Variants in PSMF1 observed in about 807,000 individuals in gnomAD.
PSMF1 encodes the protein proteasome inhibitor subunit 1.
Under a neutral mutation model 29.3 loss-of-function variants are expected in PSMF1, and 30 were observed. The ratio of observed to expected loss-of-function variants is 1.02; its 90% CI spans 0.77 to 1.39. PSMF1 has a LOEUF of 1.39. PSMF1 is among the 40% of genes most tolerant of loss of function. The pLI, the probability that PSMF1 is intolerant of heterozygous loss-of-function variation, is 0.00. For missense variants in PSMF1, 344 were observed against 357.5 expected (o/e 0.96, Z 0.31); for synonymous variants, 134 against 139.7 (o/e 0.96, Z 0.29).
chr20:1,138,001 A>G (rs2086329490), intron 4 of PSMF1, among the ~76,000 whole-genome samples: 1 of 152,216 alleles, frequency 6.6e-6, no homozygotes, highest in South Asian at 2.1e-4. Flanking sequence ...AGGCGGGAAT[A>G]CACACAGGAA....
At chr20:1,131,236 C>T (rs1231932833) in intron 3 of PSMF1, among the ~76,000 whole-genome samples, 1 of 152,222 alleles carries the variant, frequency 6.6e-6, no homozygotes, top group Non-Finnish European at 1.5e-5. Context: ...TTATACTGGC[C>T]ATTCATGCTC....
At chr20:1,115,432 C>A (rs888725290), upstream of PSMF1, among the ~76,000 whole-genome samples, 1 of 152,226 alleles carries the variant, frequency 6.6e-6, no homozygotes, top group Non-Finnish European at 1.5e-5. Context: ...AAGGCAGTAA[C>A]AAAACAGACC....
chr20:1,113,889 C>T (rs1363988174), upstream of PSMF1, among the ~76,000 whole-genome samples: 2 of 152,010 alleles, frequency 1.3e-5, no homozygotes, highest in Non-Finnish European at 2.9e-5. Flanking sequence ...GACGGGGTTT[C>T]ACTGTGTTAG....
Position 1,168,586 on chromosome 20 carries a change from G to C in PSMF1, c.*3506G>C, listed in dbSNP as rs1254284251. 6.6e-6 allele frequency among the ~76,000 whole-genome samples: 1 copy of C among 152,224 alleles called. No homozygotes were observed. The highest frequency in any genetic ancestry group is 2.4e-5 in the African/African-American group (1 of 41,452). Reference sequence around the variant, plus strand: ...CTCTTGAGACTGAAACTCCAAGAATGTATTGTGCTCACAGTGGCGATGGTG... The same window carrying C: ...CTCTTGAGACTGAAACTCCAAGAATCTATTGTGCTCACAGTGGCGATGGTG... On this transcript the variant is annotated 3_prime_UTR_variant, in exon 7 of 7. Transcript: ENST00000335877.
At chr20:1,147,135 T>TATCATCATCATC (rs112288654) in intron 4 of PSMF1, among the ~76,000 whole-genome samples, 13 of 146,640 alleles carry the variant, frequency 8.9e-5, no homozygotes, top group African/African-American at 3.3e-4. Flanking sequence ...TTGTTTCCGT[T>TATCATCATCATC]ATCATCATCA....
At chr20:1,122,268 GTTTTCTTTTCT>G (rs1370326204) in intron 1 of PSMF1, among the ~76,000 whole-genome samples, 1 of 148,452 alleles carries the variant, frequency 6.7e-6, no homozygotes, top group African/African-American at 2.5e-5. Flanking sequence ...AGGCCTTAGA[GTTTTCTTTTCT>G]TTTTCTTTTT....
At chr20:1,152,227 G>A (rs545325043) in intron 4 of PSMF1, among the ~76,000 whole-genome samples, 2 of 152,344 alleles carry the variant, frequency 1.3e-5, no homozygotes, top group African/African-American at 4.8e-5. Flanking sequence ...AGAGAATGAG[G>A]TAGATGCTCT....
intron 4 of PSMF1, among the ~76,000 whole-genome samples, chr20:1,157,744 C>T (rs2086612724): frequency 6.6e-6 from 1 of 151,882 alleles, no homozygotes; most frequent in African/African-American, 2.4e-5. Context: ...CTTCAGTAAG[C>T]ACCTCAGCAG....
intron 4 of PSMF1, among the ~76,000 whole-genome samples, chr20:1,153,483 G>T (rs1600167633): frequency 1.3e-5 from 2 of 151,966 alleles, no homozygotes; most frequent in African/African-American, 4.8e-5. Context: ...TCCATGTTCT[G>T]TGCTTTTAAG....
intron 4 of PSMF1, among the ~76,000 whole-genome samples, chr20:1,150,702 C>T (rs1351012337): frequency 6.6e-6 from 1 of 152,120 alleles, no homozygotes; most frequent in Admixed American, 6.5e-5. Context: ...TTCCTCCCCT[C>T]TGTAGCTTGC....
At chr20:1,155,772 A>C (rs935751041) in intron 4 of PSMF1, among the ~76,000 whole-genome samples, 1 of 152,228 alleles carries the variant, frequency 6.6e-6, no homozygotes, top group African/African-American at 2.4e-5. Context: ...ATACAAACAG[A>C]ACTGACATTG....
At chr20:1,133,957 C>T (rs1310535143) in intron 3 of PSMF1, among the ~76,000 whole-genome samples, 1 of 147,798 alleles carries the variant, frequency 6.8e-6, no homozygotes, top group Non-Finnish European at 1.5e-5. Context: ...ATTGTAATAT[C>T]TCCTGTTTCG....
At chr20:1,119,594 T>TA (rs1600136805) in intron 1 of PSMF1, among the ~76,000 whole-genome samples, 2 of 152,136 alleles carry the variant, frequency 1.3e-5, no homozygotes, top group Non-Finnish European at 2.9e-5. Flanking sequence ...GTTGTCCCCA[T>TA]AGGGCCAGCC....
chr20:1,119,918 C>T (rs1481083595), intron 1 of PSMF1, among the ~76,000 whole-genome samples: 1 of 152,112 alleles, frequency 6.6e-6, no homozygotes, highest in Non-Finnish European at 1.5e-5. Context: ...TTCACCCTTC[C>T]TCTCCTTTTT....
rs1048645495 is a variant in PSMF1 at position 1,150,566 on chromosome 20, T to G, written c.552-12564T>G. Among the ~76,000 whole-genome samples, 3 of 152,192 alleles carry G rather than the reference T, an allele frequency of 2.0e-5. No homozygotes were observed. The South Asian group carries it at 6.2e-4, about 31-fold the overall frequency. ...TACTAGCCATTTGGATTTCATCTTT[T>G]GTGAAGAGGTAATCAAATCTCTTGT... On this transcript the variant is annotated intron_variant, in intron 4 of 6. Coordinates refer to ENST00000335877, the MANE Select transcript of PSMF1 (RefSeq NM_006814.5).
Position 1,147,176 on chromosome 20 carries a change from T to TCATCATCACCAC in PSMF1, c.551+11872_551+11873insTCATCACCACCA, listed in dbSNP as rs1248666704. Among the ~76,000 whole-genome samples, 39 of 132,444 alleles carry TCATCATCACCAC rather than the reference T, an allele frequency of 2.9e-4. No individual in the cohort carries two copies. In the East Asian group the frequency reaches 3.5e-3, roughly 12 times the overall value. 86.9% of individuals were successfully genotyped at this position (132,444 alleles called of 152,430 possible). A position where few individuals can be genotyped will look rare whatever the true frequency, so the allele number is the denominator to read the frequency against. ...ATCATCATCATCATCATCATCATCA[T>TCATCATCACCAC]CACCACCCTGTGTTGAGGACAGAAG... On this transcript the variant is annotated intron_variant, in intron 4 of 6. Transcript: ENST00000335877.
chr20:1,119,671 C>T (rs189779629), intron 1 of PSMF1, among the ~76,000 whole-genome samples: 6 of 152,310 alleles, frequency 3.9e-5, no homozygotes, highest in Admixed American at 3.9e-4. Flanking sequence ...CCACAGAGTT[C>T]TAGGACTGCT....
chr20:1,114,234 TC>T (rs1473726384), upstream of PSMF1, among the ~76,000 whole-genome samples: 1 of 152,146 alleles, frequency 6.6e-6, no homozygotes, highest in African/African-American at 2.4e-5. Context: ...CTCCCAGAGT[TC>T]CCGGGTAGGA....
In PSMF1 at chr20:1,165,945, G is replaced by A; in HGVS notation, c.*865G>A. ...GCCTTGTGCCAAGCCTATGAAATTG[G>A]AGGTGGCTTTCCTGCTCTAAAGCAT... On this transcript the variant is annotated 3_prime_UTR_variant, in exon 7 of 7. Transcript: ENST00000335877. The A allele has an allele frequency of 7.4e-7, 1 of 1,356,600 alleles. No individual in the cohort carries two copies. Among genetic ancestry groups the A allele is most frequent in the Middle Eastern group, 2.8e-4 (1 of 3,564 alleles). 84.0% of individuals were successfully genotyped at this position (1,356,600 alleles called of 1,614,324 possible). A position where few individuals can be genotyped will look rare whatever the true frequency, so the allele number is the denominator to read the frequency against.
Sources: gnomAD v4.1 joint callset for allele counts (sites outside exome capture counted in the v4.1 genomes callset) on GRCh38, gnomAD v4.1.1 for gene constraint, MANE v1.5 for transcripts, NCBI Gene and HGNC (gene_info 2026-07-23, HGNC 2026-07-21) for gene names.